CHST11: variants seen among roughly 807,000 people sequenced by gnomAD.
CHST11 encodes carbohydrate sulfotransferase 11.
CHST11 carries 9 observed loss-of-function variants against 30.4 expected under a neutral mutation model. The ratio of observed to expected loss-of-function variants is 0.30; its 90% CI spans 0.18 to 0.52. The LOEUF is 0.52. Ranked by LOEUF, CHST11 falls within the 20% of genes least tolerant of loss-of-function variation. The pLI is 0.97. For synonymous variants in CHST11, 152 were observed against 187.8 expected, an observed-to-expected ratio of 0.81 and a Z score of 1.56; for missense variants, 348 against 460.6, an observed-to-expected ratio of 0.76 and a Z score of 2.24.
intron 1 of CHST11, among the ~76,000 whole-genome samples, chr12:104,553,866 G>A (rs1226497334): frequency 6.6e-6 from 1 of 152,170 alleles, no homozygotes; most frequent in East Asian, 1.9e-4. Context: ...TTTTGGGTCA[G>A]GAACATGAGC....
intron 1 of CHST11, among the ~76,000 whole-genome samples, chr12:104,583,642 A>C (rs1229503910): frequency 6.6e-6 from 1 of 152,204 alleles, no homozygotes; most frequent in Non-Finnish European, 1.5e-5. Context: ...AACTTAAGTT[A>C]TACTTAAGCA....
chr12:104,700,661 A>G (rs962509487), intron 2 of CHST11, among the ~76,000 whole-genome samples: 50 of 152,328 alleles, frequency 3.3e-4, no homozygotes, highest in African/African-American at 9.4e-4. Context: ...TAATACATTC[A>G]TATTGCTATT....
intron 2 of CHST11, among the ~76,000 whole-genome samples, chr12:104,739,536 C>T (rs937628936): frequency 1.3e-5 from 2 of 152,166 alleles, no homozygotes; most frequent in Admixed American, 6.5e-5. Context: ...GTACTAGAGC[C>T]GGATTTTAAG....
At chr12:104,706,686 C>T (rs938834869) in intron 2 of CHST11, among the ~76,000 whole-genome samples, 5 of 152,126 alleles carry the variant, frequency 3.3e-5, no homozygotes, top group African/African-American at 4.8e-5. Flanking sequence ...CTTTCTGACA[C>T]GAGGCTCTCA....
At chr12:104,497,036 A>G (rs1055308231) in intron 1 of CHST11, among the ~76,000 whole-genome samples, 4 of 152,142 alleles carry the variant, frequency 2.6e-5, no homozygotes, top group African/African-American at 4.8e-5. Context: ...GCCTCCTGGG[A>G]CCTCTCCTGG....
intron 2 of CHST11, among the ~76,000 whole-genome samples, chr12:104,616,489 G>A (rs1328279731): frequency 5.4e-5 from 8 of 148,796 alleles, no homozygotes; most frequent in East Asian, 3.9e-4. Flanking sequence ...TTTTTGAGAC[G>A]GAGTCTCACT....
chr12:104,739,587 C>T (rs2040329874), intron 2 of CHST11, among the ~76,000 whole-genome samples: 1 of 152,240 alleles, frequency 6.6e-6, no homozygotes, highest in Admixed American at 6.5e-5. Flanking sequence ...CTGAACCACT[C>T]TGCTCTGCTG....
intron 1 of CHST11, among the ~76,000 whole-genome samples, chr12:104,568,100 C>T (rs1249818953): frequency 2.0e-5 from 3 of 150,060 alleles, no homozygotes; most frequent in East Asian, 3.8e-4. Flanking sequence ...AGGAAGGACT[C>T]GTATGTGTGT....
At chr12:104,691,239 A>C (rs2136107575) in intron 2 of CHST11, among the ~76,000 whole-genome samples, 1 of 152,260 alleles carries the variant, frequency 6.6e-6, no homozygotes, top group East Asian at 1.9e-4. Context: ...ACTGCCTTTC[A>C]GCTCTGGATG....
At chr12:104,595,593 G>A (rs1164718783) in intron 1 of CHST11, among the ~76,000 whole-genome samples, 6 of 152,178 alleles carry the variant, frequency 3.9e-5, no homozygotes, top group African/African-American at 1.4e-4. Context: ...AGAAAACGAG[G>A]CCCAGGGAGA....
intron 2 of CHST11, among the ~76,000 whole-genome samples, chr12:104,633,539 C>T (rs771423882): frequency 2.0e-5 from 3 of 151,546 alleles, no homozygotes; most frequent in Middle Eastern, 3.4e-3. Flanking sequence ...CTCAGCCTCC[C>T]GAGTAGCTGG....
At chr12:104,519,790 T>C (rs1343725545) in intron 1 of CHST11, among the ~76,000 whole-genome samples, 1 of 152,122 alleles carries the variant, frequency 6.6e-6, no homozygotes, top group East Asian at 1.9e-4. Context: ...CATGGAAACA[T>C]GGTTGAGTGG....
At chr12:104,546,088 A>G (rs887842832) in intron 1 of CHST11, among the ~76,000 whole-genome samples, 10 of 152,214 alleles carry the variant, frequency 6.6e-5, no homozygotes, top group Non-Finnish European at 1.2e-4. Flanking sequence ...CATTCAGTCC[A>G]TAACAGATGA....
intron 2 of CHST11, among the ~76,000 whole-genome samples, chr12:104,682,511 C>T (rs185919331): frequency 5.0e-4 from 76 of 152,306 alleles, no homozygotes; most frequent in African/African-American, 1.8e-3. Flanking sequence ...CCCTGGCCAT[C>T]GGACACAAGT....
At chr12:104,575,096 G>A (rs1592771509) in intron 1 of CHST11, among the ~76,000 whole-genome samples, 2 of 152,014 alleles carry the variant, frequency 1.3e-5, no homozygotes, top group Admixed American at 6.5e-5. Context: ...AGGAGGCTGA[G>A]GCACAAGAAT....
At position 104,761,219 on chromosome 12, in the gene CHST11, C is replaced by A. The variant is rs1001499845; in HGVS notation, c.*3416C>A. On this transcript the variant is annotated 3_prime_UTR_variant, in exon 3 of 3. Transcript: ENST00000303694. The stretch of plus-strand genomic sequence containing the variant: ...CCCTGTGCACCAGGTGGGCTGCACC[C>A]TCCTGCCTATTCAGGATGTGGATGC... 6.6e-6 allele frequency: 1 copy of A among 152,216 alleles called. No individual in the cohort carries two copies. The highest frequency in any genetic ancestry group is 1.9e-4 in the East Asian group (1 of 5,202). The allele number at this position is 152,216 out of a possible 1,614,324, so 9.4% of individuals were successfully genotyped here. A position where few individuals can be genotyped will look rare whatever the true frequency, so the allele number is the denominator to read the frequency against.
intron 1 of CHST11, among the ~76,000 whole-genome samples, chr12:104,473,476 C>T (rs1263415897): frequency 1.3e-5 from 2 of 152,026 alleles, no homozygotes; most frequent in Non-Finnish European, 2.9e-5. Context: ...TGGGTGTATC[C>T]GGGTCAGGCT....
chr12:104,739,436 C>T (rs892314871), intron 2 of CHST11, among the ~76,000 whole-genome samples: 4 of 152,196 alleles, frequency 2.6e-5, no homozygotes. Context: ...TCTATAACCA[C>T]AGGAGGTCCG....
chr12:104,487,680 G>A lies in CHST11; in HGVS notation c.118+30151G>A, dbSNP rs1035237456. 3.3e-5 allele frequency among the ~76,000 whole-genome samples: 5 copies of A among 151,924 alleles called. No individual in the cohort carries two copies. In the South Asian group the frequency reaches 1.0e-3, roughly 32 times the overall value. ...GCTCACCAGCTGAACTTAGATTGCT[G>A]GCTCCTTTAAGAATCCTGTAAAAAT... is the stretch of plus-strand genomic sequence containing the variant. On this transcript the variant is annotated intron_variant, in intron 1 of 2. Coordinates refer to ENST00000303694, the MANE Select transcript of CHST11 (RefSeq NM_018413.6).
Sources: gnomAD v4.1 joint callset for allele counts (sites outside exome capture counted in the v4.1 genomes callset) on GRCh38, gnomAD v4.1.1 for gene constraint, MANE v1.5 for transcripts, NCBI Gene and HGNC (gene_info 2026-07-23, HGNC 2026-07-21) for gene names.